Variants in RABGAP1L observed in about 807,000 individuals in gnomAD.
RABGAP1L encodes the protein rab GTPase-activating protein 1-like.
A neutral mutation model predicts 137.7 loss-of-function variants in RABGAP1L; 63 were observed. The observed-to-expected ratio is 0.46, with a 90% CI of 0.37 to 0.56. The LOEUF is 0.56. Among genes scored for constraint, RABGAP1L ranks in the 20% least tolerant of loss-of-function variants. The pLI is 0.00. For missense variants in RABGAP1L, 1,095 were observed against 1,244.0 expected, an observed-to-expected ratio of 0.88 and a Z score of 1.80; for synonymous variants, 431 against 433.7, an observed-to-expected ratio of 0.99 and a Z score of 0.08.
chr1:174,441,199 C>T (rs535976767), intron 13 of RABGAP1L, among the ~76,000 whole-genome samples: 1 of 151,698 alleles, frequency 6.6e-6, no homozygotes, highest in Admixed American at 6.6e-5. Flanking sequence ...TTCTGATTAG[C>T]ATTCATCAGT....
intron 15 of RABGAP1L, among the ~76,000 whole-genome samples, chr1:174,690,873 C>G (rs369729506): frequency 7.1e-6 from 1 of 140,396 alleles, no homozygotes; most frequent in East Asian, 2.1e-4. Flanking sequence ...CGCTCTATGA[C>G]CCAGGCTGGA....
chr1:174,614,783 ATTC>A (rs1349344705), intron 13 of RABGAP1L, among the ~76,000 whole-genome samples: 2 of 152,034 alleles, frequency 1.3e-5, no homozygotes, highest in Non-Finnish European at 2.9e-5. Flanking sequence ...ATTTCTTTTT[ATTC>A]TTTTTTCTCT....
intron 18 of RABGAP1L, among the ~76,000 whole-genome samples, chr1:174,765,599 A>ATT (rs754181726): frequency 6.9e-6 from 1 of 144,754 alleles, no homozygotes. Flanking sequence ...TGTCCAGCAA[A>ATT]TTTTTTTTTT....
intron 19 of RABGAP1L, among the ~76,000 whole-genome samples, chr1:174,835,294 G>T (rs1692619673): frequency 6.6e-6 from 1 of 152,162 alleles, no homozygotes; most frequent in Non-Finnish European, 1.5e-5. Flanking sequence ...TGCTAATGGA[G>T]ATGGTACCAC....
intron 13 of RABGAP1L, among the ~76,000 whole-genome samples, chr1:174,471,950 G>A (rs935168996): frequency 1.3e-5 from 2 of 152,158 alleles, no homozygotes; most frequent in Non-Finnish European, 2.9e-5. Flanking sequence ...TATACGAAGA[G>A]GAAGAGACAT....
intron 5 of RABGAP1L, chr1:174,244,900 C>T (rs1008361164): frequency 6.6e-6 from 1 of 152,116 alleles, no homozygotes; most frequent in Non-Finnish European, 1.5e-5. Context: ...GTATTAGAAA[C>T]TCTGTTACAT....
intron 3 of RABGAP1L, among the ~76,000 whole-genome samples, chr1:174,227,744 T>G (rs1670303324): frequency 6.6e-6 from 1 of 152,190 alleles, no homozygotes; most frequent in African/African-American, 2.4e-5. Flanking sequence ...AATAATGTCA[T>G]AACACTTTAT....
chr1:174,945,947 T>C (rs993755827), intron 19 of RABGAP1L: 2 of 152,154 alleles, frequency 1.3e-5, no homozygotes, highest in Non-Finnish European at 2.9e-5. Flanking sequence ...CTTAAGACTT[T>C]ATGGAATTTT....
chr1:174,512,832 A>G (rs1450816668), intron 13 of RABGAP1L, among the ~76,000 whole-genome samples: 1 of 152,198 alleles, frequency 6.6e-6, no homozygotes, highest in Admixed American at 6.5e-5. Context: ...AGCCTAGGTA[A>G]TTCTTCTCAG....
At chr1:174,339,735 T>C (rs1681803925) in intron 11 of RABGAP1L, among the ~76,000 whole-genome samples, 1 of 151,752 alleles carries the variant, frequency 6.6e-6, no homozygotes, top group South Asian at 2.1e-4. Context: ...GCCTCCCGAG[T>C]AGTTGGGATT....
chr1:174,637,912 G>C (rs1674192849), intron 14 of RABGAP1L, among the ~76,000 whole-genome samples: 2 of 152,174 alleles, frequency 1.3e-5, no homozygotes, highest in Non-Finnish European at 2.9e-5. Context: ...GATATATTCT[G>C]AGTTACGTCA....
intron 13 of RABGAP1L, among the ~76,000 whole-genome samples, chr1:174,611,514 G>A (rs532537971): frequency 6.7e-6 from 1 of 148,820 alleles, no homozygotes; most frequent in East Asian, 2.0e-4. Flanking sequence ...TGTTCTTTTG[G>A]CTTAGGATTG....
chr1:174,411,153 G>A (rs1649882927), intron 13 of RABGAP1L, among the ~76,000 whole-genome samples: 1 of 152,068 alleles, frequency 6.6e-6, no homozygotes, highest in Non-Finnish European at 1.5e-5. Context: ...AGTCTTTAGG[G>A]TTTTCTAGTA....
At chr1:174,978,656 T>G in intron 22 of RABGAP1L, 151 bp from the exon 23 acceptor site, 1 of 963,294 alleles carries the variant, frequency 1.0e-6, no homozygotes, top group Non-Finnish European at 1.4e-6. Context: ...CTTTTTCAGA[T>G]TATCAAGATG....
intron 19 of RABGAP1L, among the ~76,000 whole-genome samples, chr1:174,884,045 A>G (rs950729593): frequency 1.5e-4 from 23 of 152,220 alleles, no homozygotes; most frequent in Admixed American, 5.9e-4. Context: ...TTCCACATCT[A>G]GAAATTCAAG....
chr1:174,737,319 C>T (rs1683040682), intron 17 of RABGAP1L, among the ~76,000 whole-genome samples: 1 of 152,152 alleles, frequency 6.6e-6, no homozygotes, highest in African/African-American at 2.4e-5. Flanking sequence ...TCATTAAGTT[C>T]AAACTTCCAC....
intron 13 of RABGAP1L, among the ~76,000 whole-genome samples, chr1:174,468,795 C>T (rs1444966023): frequency 2.6e-5 from 4 of 152,158 alleles, no homozygotes; most frequent in Non-Finnish European, 5.9e-5. Context: ...GACTTTGTCA[C>T]TTTCCCCACT....
intron 18 of RABGAP1L, among the ~76,000 whole-genome samples, chr1:174,767,634 C>T (rs1451047237): frequency 6.6e-6 from 1 of 151,892 alleles, no homozygotes; most frequent in East Asian, 1.9e-4. Flanking sequence ...ATAGAACCAA[C>T]TTATCTATAT....
At chr1:174,816,358 C>T (rs1690409557) in intron 19 of RABGAP1L, among the ~76,000 whole-genome samples, 1 of 151,904 alleles carries the variant, frequency 6.6e-6, no homozygotes, top group African/African-American at 2.4e-5. Flanking sequence ...CTCCATCAGG[C>T]TAGTCTCATA....
Sources: allele counts gnomAD v4.1 joint callset (sites outside exome capture counted in the v4.1 genomes callset), GRCh38; gene constraint gnomAD v4.1.1; transcripts MANE v1.5; gene names NCBI Gene and HGNC (gene_info 2026-07-23, HGNC 2026-07-21).